Variants in DMTF1 observed in about 807,000 individuals in gnomAD.
DMTF1 encodes cyclin D binding myb like transcription factor 1.
Under a neutral mutation model 91.1 loss-of-function variants are expected in DMTF1, and 39 were observed. The observed-to-expected ratio is 0.43, with a 90% CI of 0.33 to 0.56. DMTF1 has a LOEUF of 0.56. Ranked by LOEUF, DMTF1 falls within the 20% of genes least tolerant of loss-of-function variation. The probability of loss-of-function intolerance (pLI) is 0.05; values close to 1 mark genes in which losing one functional copy is unlikely to be tolerated. For missense variants in DMTF1, 750 were observed against 914.5 expected (o/e 0.82, Z 2.32); for synonymous variants, 338 against 309.5 (o/e 1.09, Z -0.97).
intron 11 of DMTF1, 47 bp from the exon 12 acceptor site, chr7:87,185,782 T>C (rs772802785): frequency 1.1e-5 from 18 of 1,604,374 alleles, no homozygotes; most frequent in East Asian, 6.7e-5. Flanking sequence ...GGGGTTCTTA[T>C]AGAGAAATTA....
intron 5 of DMTF1, among the ~76,000 whole-genome samples, chr7:87,173,139 G>A (rs369367067): frequency 2.6e-5 from 4 of 152,184 alleles, no homozygotes; most frequent in African/African-American, 9.6e-5. Context: ...TTCCTATCTA[G>A]AACAGATAAT....
intron 8 of DMTF1, among the ~76,000 whole-genome samples, chr7:87,180,897 G>A (rs55891509): frequency 2.9e-5 from 4 of 137,974 alleles, no homozygotes; most frequent in South Asian, 2.3e-4. Flanking sequence ...TCTGTGTTGC[G>A]CAGGCTGGAG....
chr7:87,187,619 G>C (rs2129173348), intron 12 of DMTF1: 1 of 160,952 alleles, frequency 6.2e-6, no homozygotes, highest in South Asian at 1.7e-4. Flanking sequence ...TCTAGAATTG[G>C]CTTCCCTGCG....
At chr7:87,180,222 T>C (rs1797041864) in intron 8 of DMTF1, among the ~76,000 whole-genome samples, 1 of 152,238 alleles carries the variant, frequency 6.6e-6, no homozygotes, top group South Asian at 2.1e-4. Context: ...AATTTCTCTT[T>C]GGAAATTTTA....
At chr7:87,175,979 C>G (rs963248103) in intron 7 of DMTF1, among the ~76,000 whole-genome samples, 1 of 152,160 alleles carries the variant, frequency 6.6e-6, no homozygotes, top group African/African-American at 2.4e-5. Context: ...CTGGCCATCT[C>G]TGTAATGGAG....
At chr7:87,184,778 G>A in intron 11 of DMTF1, 153 bp downstream of exon 11, 1 of 750,780 alleles carries the variant, frequency 1.3e-6, no homozygotes, top group Non-Finnish European at 2.3e-6. Flanking sequence ...ATTTCATATT[G>A]AGCTCTTTTT....
At chr7:87,194,947 A>G (rs1800940722) in intron 17 of DMTF1, 84 bp from the exon 18 acceptor site, 2 of 1,447,472 alleles carry the variant, frequency 1.4e-6, no homozygotes, top group African/African-American at 2.8e-5. Flanking sequence ...GTTGAGTTCT[A>G]CACTGTGGTA....
Position 87,195,822 on chromosome 7 carries a change from T to A in DMTF1, c.*682T>A, listed in dbSNP as rs149756367. 619 of 152,566 alleles carry A rather than the reference T, an allele frequency of 4.1e-3. 1 individual carries two copies. Among genetic ancestry groups the A allele is most frequent in the Middle Eastern group, 6.8e-3 (2 of 294 alleles). 9.5% of individuals were successfully genotyped at this position (152,566 alleles called of 1,614,324 possible). A position where few individuals can be genotyped will look rare whatever the true frequency, so the allele number is the denominator to read the frequency against. ...CAGAATCTAAGCAGTTTTCACCCCCTCAGAAACCACTGTCATTAGTTTACA... is the reference window on the plus strand; with the variant it reads ...CAGAATCTAAGCAGTTTTCACCCCCACAGAAACCACTGTCATTAGTTTACA... On this transcript the variant is annotated 3_prime_UTR_variant, in exon 18 of 18. Transcript: ENST00000331242.
At chr7:87,165,123 G>T (rs2129070293) in intron 3 of DMTF1, 73 bp downstream of exon 3, 2 of 989,066 alleles carry the variant, frequency 2.0e-6, no homozygotes, top group Non-Finnish European at 3.1e-6. Context: ...GACCCCTATT[G>T]CCCAAATAGG....
chr7:87,165,675 A>T (rs1363815696), intron 3 of DMTF1, among the ~76,000 whole-genome samples: 2 of 152,216 alleles, frequency 1.3e-5, no homozygotes, highest in African/African-American at 4.8e-5. Context: ...TGTGCTTCTC[A>T]TAGGCATCTT....
chr7:87,170,941 A>G, intron 4 of DMTF1, 54 bp from the exon 5 acceptor site: 2 of 1,191,448 alleles, frequency 1.7e-6, no homozygotes, highest in African/African-American at 1.5e-5. Context: ...TATTTTTAGA[A>G]TAATTAGAAC....
Position 87,193,856 on chromosome 7 carries a change from T to TA in DMTF1, c.1783dup (p.Ile595AsnfsTer5), listed in dbSNP as rs759471452. 1 of 1,613,370 alleles carries TA rather than the reference T, an allele frequency of 6.2e-7. No individual in the cohort carries two copies. Among genetic ancestry groups the TA allele is most frequent in the Non-Finnish European group, 8.5e-7 (1 of 1,179,610 alleles). ...AAGCAGAACTGACAGTCGATAGTGATATTCAGTCATCTGATTTTCCTGAGC... is the reference window on the plus strand; with the variant it reads ...AAGCAGAACTGACAGTCGATAGTGATAATTCAGTCATCTGATTTTCCTGAGC... On this transcript the variant is annotated frameshift_variant, in exon 16 of 18. Coordinates refer to ENST00000331242, the MANE Select transcript of DMTF1 (RefSeq NM_001142327.2). LOFTEE classifies it high-confidence loss of function.
chr7:87,194,024 A>G lies in DMTF1; in HGVS notation c.1950A>G (p.Arg650=). 1 of 1,613,128 alleles carries G rather than the reference A, an allele frequency of 6.2e-7. No individual in the cohort carries two copies. The highest frequency in any genetic ancestry group is 1.3e-5 in the African/African-American group (1 of 74,970). The change falls in exon 16 of 18, where the codon AGA becomes AGG. Residue 650 remains arginine (R), a synonymous_variant. Transcript: ENST00000331242. The part of the protein sequence containing the change: ...STELMNSVMV[R]TEEEISDTDL... Reference sequence around the variant, plus strand: ...AACTGATGAATAGTGTTATGGTCAGAACAGAAGAAGAAATCTCTGACACCG... The same window carrying G: ...AACTGATGAATAGTGTTATGGTCAGGACAGAAGAAGAAATCTCTGACACCG...
intron 4 of DMTF1, among the ~76,000 whole-genome samples, chr7:87,168,425 G>C (rs1203273383): frequency 6.6e-6 from 1 of 152,068 alleles, no homozygotes; most frequent in South Asian, 2.1e-4. Context: ...TTTTCCTACC[G>C]CTACTTCTGT....
At chr7:87,186,247 A>G (rs1485634957) in intron 12 of DMTF1, 2 of 393,356 alleles carry the variant, frequency 5.1e-6, no homozygotes, top group Non-Finnish European at 9.2e-6. Flanking sequence ...ATCATGCCAC[A>G]TAACGATTTA....
rs1799628234 is a variant in DMTF1 at position 87,190,974 on chromosome 7, T to G, written c.1441T>G (p.Ser481Ala). Reference protein sequence around the residue: ...SSADSPATVDSETITLNSGTL... With the variant: ...SSADSPATVDAETITLNSGTL... ...AGCAGACTCTCCTGCTACCGTTGAC[T>G]CAGAAACAATAACACTAAACAGTGG... is the stretch of plus-strand genomic sequence containing the variant. Residue 481 changes from serine (S) to alanine (A), a missense_variant, in exon 14 of 18, where the codon TCA (serine) becomes GCA (alanine). Around this residue, in one of 3 missense-constraint regions of DMTF1, gnomAD observed 410 missense variants for 420.2 expected, o/e 0.98. Transcript: ENST00000331242. 2 of 1,611,096 alleles carry G rather than the reference T, an allele frequency of 1.2e-6. No individual in the cohort carries two copies. The highest frequency in any genetic ancestry group is 1.7e-6 in the Non-Finnish European group (2 of 1,178,262).
chr7:87,188,157 A>C lies in DMTF1; in HGVS notation c.1267A>C (p.Lys423Gln). Residue 423 changes from lysine to glutamine, a missense_variant, in exon 13 of 18, where the codon AAA (lysine) becomes CAA (glutamine). Around this residue, in one of 3 missense-constraint regions of DMTF1, gnomAD observed 410 missense variants for 420.2 expected, o/e 0.98. Coordinates refer to ENST00000331242, the MANE Select transcript of DMTF1 (RefSeq NM_001142327.2). ...QKNNPTLLEN[K>Q]SGSGVPNSNT... ...AAACAACCCAACGCTTTTGGAGAAT[A>C]AATCAGGATCTGGAGTTCCAAACAG... The C allele has an allele frequency of 6.2e-7, 1 of 1,613,996 alleles. No individual in the cohort carries two copies. The highest frequency in any genetic ancestry group is 8.5e-7 in the Non-Finnish European group (1 of 1,179,914).
At chr7:87,185,452 C>T (rs111269265) in intron 11 of DMTF1, among the ~76,000 whole-genome samples, 4,683 of 152,036 alleles carry the variant, frequency 0.031, 85 homozygotes, top group Middle Eastern at 0.071. Context: ...ACAATGGAAA[C>T]GCTCAGATCC....
intron 4 of DMTF1, among the ~76,000 whole-genome samples, chr7:87,168,584 A>T (rs1794361027): frequency 6.6e-6 from 1 of 152,138 alleles, no homozygotes; most frequent in South Asian, 2.1e-4. Flanking sequence ...TAATCATTAT[A>T]ATCACTGTCT....
Sources: gnomAD v4.1 joint callset for allele counts (sites outside exome capture counted in the v4.1 genomes callset) on GRCh38, gnomAD v4.1.1 for gene constraint, gnomAD v4.1.1 regional missense constraint, MANE v1.5 for transcripts, NCBI Gene and HGNC (gene_info 2026-07-23, HGNC 2026-07-21) for gene names.